ZNF584: variants seen among roughly 807,000 people sequenced by gnomAD.
The protein encoded by ZNF584 is zinc finger protein 584.
In ZNF584, 12 loss-of-function variants were observed where a neutral mutation model predicts 14.7. The observed-to-expected ratio is 0.82, with a 90% CI of 0.52 to 1.32. The LOEUF (loss-of-function observed/expected upper bound fraction) is 1.32. Among genes scored for constraint, ZNF584 ranks in the 40% most tolerant of loss-of-function variants. The pLI is 0.00. For missense variants in ZNF584, 478 were observed against 518.8 expected, an observed-to-expected ratio of 0.92 and a Z score of 0.76; for synonymous variants, 204 against 190.9, an observed-to-expected ratio of 1.07 and a Z score of -0.57.
intron 2 of ZNF584, among the ~76,000 whole-genome samples, chr19:58,412,634 A>G (rs1345015842): frequency 6.6e-6 from 1 of 152,192 alleles, no homozygotes; most frequent in Non-Finnish European, 1.5e-5. Flanking sequence ...ATGTCTCTGT[A>G]TTGAGTATGA....
rs1185053389 is a variant in ZNF584 at position 58,410,557 on chromosome 19, ATG to A, written c.169+470_169+471del. ...TATATATATATATATATATATATATATGTGTATATATATATGTATATATATGT... is the reference window on the plus strand; with the variant it reads ...TATATATATATATATATATATATATATGTATATATATATGTATATATATGT... On this transcript the variant is annotated intron_variant, in intron 2 of 3. Coordinates refer to ENST00000306910, the MANE Select transcript of ZNF584 (RefSeq NM_173548.3). Among the ~76,000 whole-genome samples the A allele has an allele frequency of 8.9e-3, 232 of 25,986 alleles. 43 individuals carry two copies. The highest frequency in any genetic ancestry group is 0.051 in the African/African-American group (163 of 3,190). 17.0% of individuals were successfully genotyped at this position (25,986 alleles called of 152,430 possible). A position where few individuals can be genotyped will look rare whatever the true frequency, so the allele number is the denominator to read the frequency against.
At position 58,409,929 on chromosome 19, in the gene ZNF584, A is replaced by C. The variant is rs34511020; in HGVS notation, c.19-12A>C. ...TTTTGGTTGTTTTTTTCTGCCCATC[A>C]TTGACCCCAAGGCTCAGTTGGACCC... On this transcript the variant is annotated splice_polypyrimidine_tract_variant and intron_variant, in intron 1 of 3. Coordinates refer to ENST00000306910, the MANE Select transcript of ZNF584 (RefSeq NM_173548.3). The C allele has an allele frequency of 1.9e-6, 3 of 1,613,754 alleles. No individual in the cohort carries two copies. In the South Asian group the frequency reaches 3.3e-5, roughly 18 times the overall value.
upstream of ZNF584, chr19:58,408,400 CTTCG>C (rs1030044528): frequency 4.6e-5 from 7 of 152,318 alleles, no homozygotes; most frequent in African/African-American, 1.7e-4. Flanking sequence ...ATTCTCGCGC[CTTCG>C]TTCGTTTCTG....
Position 58,417,152 on chromosome 19 carries a change from AC to A in ZNF584, c.635del (p.Thr212LysfsTer18), listed in dbSNP as rs747313473. The A allele has an allele frequency of 6.2e-7, 1 of 1,613,770 alleles. No individual in the cohort carries two copies. Among genetic ancestry groups the A allele is most frequent in the Non-Finnish European group, 8.5e-7 (1 of 1,179,714 alleles). On this transcript the variant is annotated frameshift_variant, in exon 4 of 4. Transcript: ENST00000306910. LOFTEE classifies it low-confidence loss of function (END_TRUNC). Reference protein sequence around the residue: ...INPRKIHTGETAHVCNECGKA... With the variant: ...INPRKIHTGEXAHVCNECGKA... ...CCCCCGAAAAATTCACACTGGAGAAACAGCCCATGTGTGTAATGAATGTGGG... is the reference window on the plus strand; with the variant it reads ...CCCCCGAAAAATTCACACTGGAGAAAAGCCCATGTGTGTAATGAATGTGGG...
rs2052668835 is a variant in ZNF584 at position 58,418,006 on chromosome 19, C to G, written c.*222C>G. 1.8e-6 allele frequency: 1 copy of G among 571,210 alleles called. No homozygotes were observed. The highest frequency in any genetic ancestry group is 1.9e-5 in the African/African-American group (1 of 53,318). 35.4% of individuals were successfully genotyped at this position (571,210 alleles called of 1,614,324 possible). ...CATCACTGAGTTTATCCACCGCCAT[C>G]CACCTCTATCCACCCCATAAGGTCC... is the stretch of plus-strand genomic sequence containing the variant. On this transcript the variant is annotated 3_prime_UTR_variant, in exon 4 of 4. Transcript: ENST00000306910.
At chr19:58,412,000 T>C (rs1315006131) in intron 2 of ZNF584, among the ~76,000 whole-genome samples, 1 of 128,256 alleles carries the variant, frequency 7.8e-6, no homozygotes, top group Non-Finnish European at 1.6e-5. Flanking sequence ...TTTTTTTTTT[T>C]AGACAGAGTC....
intron 2 of ZNF584, among the ~76,000 whole-genome samples, chr19:58,413,511 A>AC (rs2052601886): frequency 6.8e-6 from 1 of 147,500 alleles, no homozygotes. Context: ...ATGCCTGGCT[A>AC]ATTTTTTTTT....
chr19:58,413,772 A>T (rs1450647004), intron 2 of ZNF584, among the ~76,000 whole-genome samples: 1 of 151,684 alleles, frequency 6.6e-6, no homozygotes, highest in African/African-American at 2.4e-5. Flanking sequence ...AAGTGCTGGG[A>T]TTACAGGCGT....
chr19:58,410,918 A>C (rs2052562560), intron 2 of ZNF584, among the ~76,000 whole-genome samples: 1 of 145,296 alleles, frequency 6.9e-6, no homozygotes, highest in African/African-American at 2.5e-5. Flanking sequence ...CAGTCTCCCG[A>C]GTAGCTGGGA....
At position 58,410,126 on chromosome 19, in the gene ZNF584, T is replaced by C. The variant is rs766796958; in HGVS notation, c.169+35T>C. 16 of 1,562,548 alleles carry C rather than the reference T, an allele frequency of 1.0e-5. No individual in the cohort carries two copies. In the East Asian group the frequency reaches 1.4e-4, roughly 13 times the overall value. ...TTACACTGTCCCCCAGCACACTGAC[T>C]ACCCCCTCATTTTCCCCATGCGAAG... On this transcript the variant is annotated intron_variant, in intron 2 of 3. Transcript: ENST00000306910.
chr19:58,415,421 C>T (rs927734799), intron 2 of ZNF584, 103 bp from the exon 3 acceptor site: 29 of 1,406,808 alleles, frequency 2.1e-5, no homozygotes, highest in Admixed American at 6.5e-5. Flanking sequence ...TGGTTGCGAA[C>T]GTCTGGGTTT....
intron 2 of ZNF584, among the ~76,000 whole-genome samples, chr19:58,414,873 G>A (rs1178092675): frequency 2.8e-5 from 4 of 145,268 alleles, no homozygotes; most frequent in African/African-American, 9.9e-5. Context: ...TCATAGAAAG[G>A]CTTTTTTTTT....
In ZNF584 at chr19:58,410,018, G is replaced by A. The variant is rs566450884; in HGVS notation, c.96G>A (p.Gly32=). The A allele has an allele frequency of 6.2e-7, 1 of 1,614,026 alleles. No homozygotes were observed. ...TATATTTCTCCAGGGAGGAGTGGGGGCTCCTTAATGTGACCCAGAAGGGCC... is the reference window on the plus strand; with the variant it reads ...TATATTTCTCCAGGGAGGAGTGGGGACTCCTTAATGTGACCCAGAAGGGCC... ...VTVYFSREEW[G]LLNVTQKGLY... is the part of the protein sequence containing the mutation. The change falls in exon 2 of 4, where the codon GGG becomes GGA. Residue 32 remains glycine, a synonymous_variant. Coordinates refer to ENST00000306910, the MANE Select transcript of ZNF584 (RefSeq NM_173548.3).
chr19:58,417,414 A>G lies in ZNF584; in HGVS notation c.896A>G (p.Glu299Gly). The change falls in exon 4 of 4, where the codon GAG (glutamate) becomes GGG (glycine). Residue 299 changes from glutamate (E) to glycine (G), a missense_variant. Transcript: ENST00000306910. ...GTGCACATTGGAGAAAGGCCCTATG[A>G]GTGTACAGAATGTGGGAAGTTCTTT... ...RKVHIGERPY[E>G]CTECGKFFKY... 1 of 1,603,728 alleles carries G rather than the reference A, an allele frequency of 6.2e-7. No individual in the cohort carries two copies. The highest frequency in any genetic ancestry group is 1.1e-5 in the South Asian group (1 of 90,810).
intron 1 of ZNF584, among the ~76,000 whole-genome samples, chr19:58,401,885 C>CAAAAAA (rs781429177): frequency 0.058 from 3,896 of 66,954 alleles, 551 homozygotes; most frequent in African/African-American, 0.24. Context: ...TGAGACTCCT[C>CAAAAAA]AAAAAAAAAA....
intron 2 of ZNF584, among the ~76,000 whole-genome samples, chr19:58,413,346 CT>C (rs975608544): frequency 6.7e-6 from 1 of 150,368 alleles, no homozygotes. Flanking sequence ...TTTTCTTTTT[CT>C]TTTTTTTTAA....
At chr19:58,416,639 T>G in intron 3 of ZNF584, 172 bp from the exon 4 acceptor site, 1 of 671,916 alleles carries the variant, frequency 1.5e-6, no homozygotes, top group Non-Finnish European at 2.3e-6. Flanking sequence ...TGACCTCACG[T>G]GATCTGCCCG....
At chr19:58,414,143 C>T (rs1340556899) in intron 2 of ZNF584, among the ~76,000 whole-genome samples, 1 of 151,910 alleles carries the variant, frequency 6.6e-6, no homozygotes, top group East Asian at 1.9e-4. Flanking sequence ...TCATTCCTCC[C>T]AAAGTACTTG....
intron 1 of ZNF584, among the ~76,000 whole-genome samples, chr19:58,402,895 T>C (rs1374373966): frequency 7.2e-6 from 1 of 138,952 alleles, no homozygotes; most frequent in East Asian, 2.2e-4. Flanking sequence ...AATAGATACA[T>C]AGCTGGCAAA....
Sources: allele counts gnomAD v4.1 joint callset (sites outside exome capture counted in the v4.1 genomes callset), GRCh38; gene constraint gnomAD v4.1.1; transcripts MANE v1.5; gene names NCBI Gene and HGNC (gene_info 2026-07-23, HGNC 2026-07-21).